Variants in JAKMIP3 observed in about 807,000 individuals in gnomAD.
JAKMIP3 encodes Janus kinase and microtubule interacting protein 3, also known as janus kinase and microtubule-interacting protein 3.
JAKMIP3 carries 58 observed loss-of-function variants against 118.5 expected under a neutral mutation model. The ratio of observed to expected loss-of-function variants is 0.49; its 90% CI spans 0.40 to 0.61. JAKMIP3 has a LOEUF of 0.61. JAKMIP3 is among the 20% of genes least tolerant of loss of function. The pLI is 0.00. For missense variants in JAKMIP3, 950 were observed against 1,109.0 expected, an observed-to-expected ratio of 0.86 and a Z score of 2.04; for synonymous variants, 486 against 451.2, an observed-to-expected ratio of 1.08 and a Z score of -0.98.
intron 3 of JAKMIP3, among the ~76,000 whole-genome samples, chr10:132,124,002 A>T (rs1223849556): frequency 6.6e-6 from 1 of 152,260 alleles, no homozygotes; most frequent in East Asian, 1.9e-4. Context: ...CTGTGCCCAC[A>T]GCCGAACTAA....
chr10:132,142,072 T>G, intron 11 of JAKMIP3, 24 bp downstream of exon 11: 1 of 1,071,824 alleles, frequency 9.3e-7, no homozygotes, highest in East Asian at 3.2e-5. Context: ...CCACCGCGCG[T>G]TCCGGCCCCC....
chr10:132,172,737 C>T (rs980399191), intron 23 of JAKMIP3, among the ~76,000 whole-genome samples: 8 of 151,872 alleles, frequency 5.3e-5, no homozygotes, highest in African/African-American at 1.9e-4. Context: ...TCTCTGTCCC[C>T]ACAAGGCGGG....
intron 1 of JAKMIP3, among the ~76,000 whole-genome samples, chr10:132,047,667 T>A (rs9419323): frequency 5.6e-5 from 3 of 53,324 alleles, no homozygotes; most frequent in African/African-American, 2.0e-4. Flanking sequence ...CGGAGCTGTG[T>A]GTCCCCACCC....
At chr10:132,165,308 G>A (rs2058782134) in intron 21 of JAKMIP3, among the ~76,000 whole-genome samples, 1 of 152,106 alleles carries the variant, frequency 6.6e-6, no homozygotes, top group Admixed American at 6.6e-5. Context: ...GTCAGGATGA[G>A]GGGAGCACAG....
At chr10:132,159,593 G>GGGA (rs2057668443) in intron 19 of JAKMIP3, among the ~76,000 whole-genome samples, 1 of 124,806 alleles carries the variant, frequency 8.0e-6, no homozygotes, top group Non-Finnish European at 1.7e-5. Flanking sequence ...TGATGCTGGG[G>GGGA]GCATGTCTTC....
chr10:132,108,960 GTATA>G (rs1478179605), intron 2 of JAKMIP3, among the ~76,000 whole-genome samples: 1 of 145,378 alleles, frequency 6.9e-6, no homozygotes, highest in Non-Finnish European at 1.5e-5. Flanking sequence ...ATACGCAAAT[GTATA>G]TATAAATTAT....
At chr10:132,181,689 G>A (rs1240291422) in intron 23 of JAKMIP3, 1 of 152,218 alleles carries the variant, frequency 6.6e-6, no homozygotes, top group Admixed American at 6.5e-5. Flanking sequence ...TCTGTTTGAG[G>A]TAATATCTTC....
intron 2 of JAKMIP3, among the ~76,000 whole-genome samples, chr10:132,105,403 T>C (rs1055543919): frequency 2.0e-5 from 3 of 152,204 alleles, no homozygotes; most frequent in African/African-American, 7.2e-5. Flanking sequence ...ACAGCACCCG[T>C]TAGCGAATGT....
intron 1 of JAKMIP3, among the ~76,000 whole-genome samples, chr10:132,056,224 G>A (rs553390787): frequency 6.6e-6 from 1 of 152,282 alleles, no homozygotes; most frequent in South Asian, 2.1e-4. Context: ...AACAGTGAGG[G>A]CGCCTCTCAG....
At chr10:132,166,201 C>T (rs2058882734) in intron 21 of JAKMIP3, among the ~76,000 whole-genome samples, 1 of 152,050 alleles carries the variant, frequency 6.6e-6, no homozygotes, top group Admixed American at 6.5e-5. Context: ...TGGCACGTGC[C>T]TATAATCTCC....
At chr10:132,099,120 G>A (rs977682152) in intron 1 of JAKMIP3, among the ~76,000 whole-genome samples, 1 of 152,184 alleles carries the variant, frequency 6.6e-6, no homozygotes, top group African/African-American at 2.4e-5. Context: ...TGACTTCTCG[G>A]TGTCCTCTGC....
In JAKMIP3 at chr10:132,044,204, G is replaced by A. The variant is rs892557481; in HGVS notation, c.-138+7466G>A. Among the ~76,000 whole-genome samples, 7 of 152,220 alleles carry A rather than the reference G, an allele frequency of 4.6e-5. No individual in the cohort carries two copies. Among genetic ancestry groups the A allele is most frequent in the African/African-American group, 7.2e-5 (3 of 41,468 alleles). On this transcript the variant is annotated intron_variant, in intron 1 of 23. Transcript: ENST00000657785. The surrounding 1 kb of genome is among the most constrained non-coding windows in gnomAD (Gnocchi z 5.3). ...TTAGGGCCGCCCTTCCAGGTGGCTCGCCACAGCTCCTGCTCCAGTGCCCTT... is the reference window on the plus strand; with the variant it reads ...TTAGGGCCGCCCTTCCAGGTGGCTCACCACAGCTCCTGCTCCAGTGCCCTT...
chr10:132,163,120 G>A, intron 19 of JAKMIP3, 89 bp from the exon 20 acceptor site: 1 of 1,264,618 alleles, frequency 7.9e-7, no homozygotes, highest in Non-Finnish European at 1.1e-6. Context: ...CTGCTCCCAG[G>A]CGGAGGGTGG....
intron 1 of JAKMIP3, among the ~76,000 whole-genome samples, chr10:132,072,258 G>T (rs1431869250): frequency 6.6e-6 from 1 of 152,000 alleles, no homozygotes; most frequent in African/African-American, 2.4e-5. Flanking sequence ...TTTTTAAAAC[G>T]TTTAGGCTGG....
At chr10:132,164,964 G>C (rs1039226412) in intron 21 of JAKMIP3, among the ~76,000 whole-genome samples, 4 of 152,208 alleles carry the variant, frequency 2.6e-5, no homozygotes, top group African/African-American at 7.2e-5. Context: ...GGAGCCCCAG[G>C]GTCTAGGAAT....
At chr10:132,098,923 CTGGGTTTGGGACCCGAACCT>C (rs1025001761) in intron 1 of JAKMIP3, among the ~76,000 whole-genome samples, 1 of 152,224 alleles carries the variant, frequency 6.6e-6, no homozygotes, top group Non-Finnish European at 1.5e-5. Context: ...TTACACTCAC[CTGGGTTTGGGACCCGAACCT>C]TGGACTTCTC....
At chr10:132,105,089 TG>T (rs920722597) in intron 2 of JAKMIP3, 146 bp downstream of exon 2, 17 of 950,040 alleles carry the variant, frequency 1.8e-5, no homozygotes, top group Middle Eastern at 3.2e-4. Flanking sequence ...GACCACTTGG[TG>T]GGGGGTGGGG....
At chr10:132,144,668 C>T (rs1211510421) in intron 11 of JAKMIP3, 1 of 161,652 alleles carries the variant, frequency 6.2e-6, no homozygotes, top group East Asian at 1.9e-4. Flanking sequence ...GTGGCTCACT[C>T]CTGTAATCCC....
intron 5 of JAKMIP3, 111 bp from the exon 6 acceptor site, chr10:132,135,819 C>A: frequency 8.4e-7 from 1 of 1,193,706 alleles, no homozygotes; most frequent in Non-Finnish European, 1.2e-6. Flanking sequence ...AAGTAGAGGG[C>A]TGGGGACTGC....
Sources: gnomAD v4.1 joint callset for allele counts (sites outside exome capture counted in the v4.1 genomes callset) on GRCh38, gnomAD v4.1.1 for gene constraint, Gnocchi (gnomAD v3.1) non-coding constraint, MANE v1.5 for transcripts, NCBI Gene and HGNC (gene_info 2026-07-23, HGNC 2026-07-21) for gene names.